The following APPL1 variants were observed in gnomAD, a reference collection of about 807,000 sequenced individuals.
APPL1 encodes adaptor protein, phosphotyrosine interacting with PH domain and leucine zipper 1, also known as DCC-interacting protein 13-alpha.
In APPL1, 42 loss-of-function variants were observed where a neutral mutation model predicts 106.8. The ratio of observed to expected loss-of-function variants is 0.39; its 90% CI spans 0.31 to 0.51. The LOEUF is 0.51. APPL1 is among the 20% of genes least tolerant of loss of function. The pLI is 0.75. For missense variants in APPL1, 769 were observed against 858.2 expected (o/e 0.90, Z 1.30); for synonymous variants, 263 against 281.8 (o/e 0.93, Z 0.67).
At position 57,259,186 on chromosome 3, in the gene APPL1, A is replaced by G. The variant is rs2060852689; in HGVS notation, c.1483+106A>G. The G allele has an allele frequency of 2.0e-5, 18 of 899,488 alleles. No individual in the cohort carries two copies. The Admixed American group carries it at 4.0e-4, about 20-fold the overall frequency. The allele number at this position is 899,488 out of a possible 1,614,324, so 55.7% of individuals were successfully genotyped here. The stretch of plus-strand genomic sequence containing the variant: ...TGCTACTAAGCTCAGTTTTAATGCT[A>G]TCTTTACTTCAGAATTTCCTCTACT... On this transcript the variant is annotated intron_variant, in intron 16 of 21. Transcript: ENST00000288266.
intron 15 of APPL1, among the ~76,000 whole-genome samples, chr3:57,257,743 A>T (rs1036381882): frequency 2.6e-5 from 4 of 152,222 alleles, no homozygotes; most frequent in South Asian, 2.1e-4. Flanking sequence ...GACAATTTTT[A>T]AAAAATTCTT....
At chr3:57,239,226 T>C (rs1409949842) in intron 4 of APPL1, among the ~76,000 whole-genome samples, 2 of 152,188 alleles carry the variant, frequency 1.3e-5, no homozygotes, top group Non-Finnish European at 2.9e-5. Flanking sequence ...GTGGGAATTA[T>C]GGGAGCTACA....
At chr3:57,233,523 T>G (rs908734968) in intron 1 of APPL1, among the ~76,000 whole-genome samples, 3 of 151,974 alleles carry the variant, frequency 2.0e-5, no homozygotes, top group Non-Finnish European at 4.4e-5. Flanking sequence ...AGCGGCAGAT[T>G]TTTTTTAAGA....
rs2060786586 is a variant in APPL1 at position 57,248,463 on chromosome 3, C to G, written c.863+112C>G. ...TTTTGATTTTTATTAAAGGTTGAAA[C>G]TTTTTAGAGGTGTTAGTATTTATGT... On this transcript the variant is annotated intron_variant, in intron 10 of 21. Coordinates refer to ENST00000288266, the MANE Select transcript of APPL1 (RefSeq NM_012096.3). 3 of 1,231,078 alleles carry G rather than the reference C, an allele frequency of 2.4e-6. No individual in the cohort carries two copies. The South Asian group carries it at 4.8e-5, about 20-fold the overall frequency. The allele number at this position is 1,231,078 out of a possible 1,614,324, so 76.3% of individuals were successfully genotyped here. A position where few individuals can be genotyped will look rare whatever the true frequency, so the allele number is the denominator to read the frequency against.
rs77655858 is a variant in APPL1, at chr3:57,256,836, A to C, written c.1153-121A>C. The C allele has an allele frequency of 2.5e-3, 1,820 of 736,768 alleles. 21 individuals carry two copies. The African/African-American group carries it at 0.027, about 11-fold the overall frequency. 45.6% of individuals were successfully genotyped at this position (736,768 alleles called of 1,614,324 possible). A position where few individuals can be genotyped will look rare whatever the true frequency, so the allele number is the denominator to read the frequency against. On this transcript the variant is annotated intron_variant, in intron 13 of 21. Transcript: ENST00000288266. ...AGACGAGGGAATATAGTACTACTTT[A>C]GTAGCTCTAATTTATATTTTAAGTG...
At chr3:57,256,691 C>A (rs2060838157) in intron 13 of APPL1, among the ~76,000 whole-genome samples, 1 of 152,064 alleles carries the variant, frequency 6.6e-6, no homozygotes, top group African/African-American at 2.4e-5. Context: ...GTGTGCAACA[C>A]TTGCAGGGAA....
At chr3:57,268,246 A>G in intron 20 of APPL1, 152 bp from the exon 21 acceptor site, 1 of 744,144 alleles carries the variant, frequency 1.3e-6, no homozygotes, top group East Asian at 2.6e-5. Context: ...AATTTGGATA[A>G]TTGTTTACCA....
At position 57,271,758 on chromosome 3, in the gene APPL1, C is replaced by G. The variant is rs944688568; in HGVS notation, c.*2071C>G. On this transcript the variant is annotated 3_prime_UTR_variant, in exon 22 of 22. Transcript: ENST00000288266. Reference sequence around the variant, plus strand: ...AGGGATGCTGGACAGACCTGTAGTTCGTTTTAAGTCATGTTCACAGGAATT... The same window carrying G: ...AGGGATGCTGGACAGACCTGTAGTTGGTTTTAAGTCATGTTCACAGGAATT... 4 of 152,154 alleles carry G rather than the reference C, an allele frequency of 2.6e-5. No homozygotes were observed. The highest frequency in any genetic ancestry group is 7.2e-5 in the African/African-American group (3 of 41,424). The allele number at this position is 152,154 out of a possible 1,614,324, so 9.4% of individuals were successfully genotyped here.
intron 13 of APPL1, among the ~76,000 whole-genome samples, chr3:57,255,446 T>C (rs923799030): frequency 3.9e-5 from 6 of 152,192 alleles, no homozygotes; most frequent in Non-Finnish European, 8.8e-5. Flanking sequence ...AAGGTAAAGA[T>C]GACTTCCAGG....
At chr3:57,235,480 A>G in intron 1 of APPL1, 86 bp from the exon 2 acceptor site, 1 of 777,476 alleles carries the variant, frequency 1.3e-6, no homozygotes. Flanking sequence ...TTAATATCCT[A>G]CGATTTTTGC....
At chr3:57,268,321 T>C (rs2060908956) in intron 20 of APPL1, 77 bp from the exon 21 acceptor site, 3 of 1,351,078 alleles carry the variant, frequency 2.2e-6, no homozygotes, top group Non-Finnish European at 3.0e-6. Context: ...AAGGTTACCA[T>C]GTGATATTAA....
At chr3:57,263,833 A>G (rs2060881076) in intron 19 of APPL1, among the ~76,000 whole-genome samples, 1 of 151,734 alleles carries the variant, frequency 6.6e-6, no homozygotes, top group Non-Finnish European at 1.5e-5. Flanking sequence ...ACTATTGTGA[A>G]CCGAGCTGCA....
rs919326157 is a variant in APPL1 at position 57,270,329 on chromosome 3, A to C, written c.*642A>C. ...CTTGATGCCAGTAGGAAAGAAGCTT[A>C]AGTGTCTTCAGTTCAAGATTGATAG... is the stretch of plus-strand genomic sequence containing the variant. On this transcript the variant is annotated 3_prime_UTR_variant, in exon 22 of 22. Coordinates refer to ENST00000288266, the MANE Select transcript of APPL1 (RefSeq NM_012096.3). 1 of 152,658 alleles carries C rather than the reference A, an allele frequency of 6.6e-6. No individual in the cohort carries two copies. Among genetic ancestry groups the C allele is most frequent in the African/African-American group, 2.4e-5 (1 of 41,442 alleles). 9.5% of individuals were successfully genotyped at this position (152,658 alleles called of 1,614,324 possible).
At chr3:57,251,025 T>C (rs1029816727) in intron 11 of APPL1, among the ~76,000 whole-genome samples, 2 of 147,676 alleles carry the variant, frequency 1.4e-5, no homozygotes, top group Non-Finnish European at 3.0e-5. Context: ...GCCAGGATGG[T>C]CTCGATCTCC....
At chr3:57,231,722 C>T (rs924980182) in intron 1 of APPL1, among the ~76,000 whole-genome samples, 13 of 150,506 alleles carry the variant, frequency 8.6e-5, no homozygotes, top group Non-Finnish European at 1.5e-4. Context: ...GCAGGAGGAT[C>T]GATTGAGTCC....
chr3:57,268,075 A>T, intron 20 of APPL1: 1 of 497,260 alleles, frequency 2.0e-6, no homozygotes, highest in East Asian at 3.4e-5. Context: ...CCTGGGCAAC[A>T]GAGCGAGACT....
chr3:57,249,284 C>T (rs1459843870), intron 10 of APPL1, 76 bp from the exon 11 acceptor site: 1 of 1,504,640 alleles, frequency 6.6e-7, no homozygotes, highest in African/African-American at 1.4e-5. Flanking sequence ...TTGTAACATG[C>T]TTTATCTTGT....
intron 19 of APPL1, among the ~76,000 whole-genome samples, chr3:57,267,150 C>CT (rs1220924314): frequency 6.6e-6 from 1 of 152,138 alleles, no homozygotes; most frequent in African/African-American, 2.4e-5. Flanking sequence ...ATGGGATGTT[C>CT]TTTTGTGTCT....
chr3:57,227,914 G>A lies in APPL1; in HGVS notation c.31G>A (p.Glu11Lys). ...GGGGATCGACAAGCTGCCCATCGAGGAGACGCTGGAGGACAGCCCGCAGGT... is the reference window on the plus strand; with the variant it reads ...GGGGATCGACAAGCTGCCCATCGAGAAGACGCTGGAGGACAGCCCGCAGGT... Reference protein sequence around the residue: MPGIDKLPIEETLEDSPQTRS... With the variant: MPGIDKLPIEKTLEDSPQTRS... The change falls in exon 1 of 22, where the codon GAG (glutamate) becomes AAG (lysine). Residue 11 changes from glutamate to lysine, a missense_variant. Glu to Lys is a moderately conservative substitution (Grantham distance 56). Transcript: ENST00000288266. 1 of 1,469,720 alleles carries A rather than the reference G, an allele frequency of 6.8e-7. No homozygotes were observed. The allele number at this position is 1,469,720 out of a possible 1,614,324, so 91.0% of individuals were successfully genotyped here.
Sources: gnomAD v4.1 joint callset for allele counts (sites outside exome capture counted in the v4.1 genomes callset) on GRCh38, gnomAD v4.1.1 for gene constraint, MANE v1.5 for transcripts, NCBI Gene and HGNC (gene_info 2026-07-23, HGNC 2026-07-21) for gene names.